Variants in CMTM8 observed in about 807,000 individuals in gnomAD.
CMTM8 encodes the protein CKLF like MARVEL transmembrane domain containing 8, also known as CKLF-like MARVEL transmembrane domain-containing protein 8.
Under a neutral mutation model 18.6 loss-of-function variants are expected in CMTM8, and 12 were observed. The observed-to-expected ratio is 0.65, with a 90% CI of 0.41 to 1.05. CMTM8 has a LOEUF of 1.05. CMTM8 is among the 50% of genes least tolerant of loss of function. The pLI, the probability that CMTM8 is intolerant of heterozygous loss-of-function variation, is 0.00. For missense variants in CMTM8, 217 were observed against 227.2 expected (o/e 0.95, Z 0.29); for synonymous variants, 87 against 90.6 (o/e 0.96, Z 0.23).
intron 1 of CMTM8, among the ~76,000 whole-genome samples, chr3:32,310,196 G>T (rs539460708): frequency 3.3e-5 from 5 of 152,016 alleles, no homozygotes; most frequent in African/African-American, 4.8e-5. Context: ...CAAGGCTAAA[G>T]TGTGGCTTTG....
intron 1 of CMTM8, among the ~76,000 whole-genome samples, chr3:32,324,120 T>C (rs932361385): frequency 1.3e-5 from 2 of 152,252 alleles, no homozygotes; most frequent in Non-Finnish European, 2.9e-5. Flanking sequence ...GCTTTGTTTT[T>C]CTGTTTGAAC....
chr3:32,315,767 G>A (rs1245903355), intron 1 of CMTM8, among the ~76,000 whole-genome samples: 1 of 152,134 alleles, frequency 6.6e-6, no homozygotes, highest in Non-Finnish European at 1.5e-5. Context: ...GGTGACTTAT[G>A]GAGCAGATGG....
chr3:32,352,587 A>T (rs1322413326), intron 1 of CMTM8, among the ~76,000 whole-genome samples: 1 of 152,232 alleles, frequency 6.6e-6, no homozygotes, highest in Non-Finnish European at 1.5e-5. Context: ...TGAGCAACAG[A>T]TGTCAGACAT....
chr3:32,294,087 C>T (rs1454854552), intron 1 of CMTM8, among the ~76,000 whole-genome samples: 1 of 152,208 alleles, frequency 6.6e-6, no homozygotes, highest in African/African-American at 2.4e-5. Context: ...GCCAGTTTCT[C>T]CACAGCCTCA....
intron 1 of CMTM8, among the ~76,000 whole-genome samples, chr3:32,242,886 C>G (rs917877172): frequency 6.7e-6 from 1 of 148,810 alleles, no homozygotes; most frequent in African/African-American, 2.5e-5. Context: ...GAGACAGAGT[C>G]TGGTTCAGTT....
intron 1 of CMTM8, among the ~76,000 whole-genome samples, chr3:32,281,631 G>A (rs574536354): frequency 2.0e-5 from 3 of 152,198 alleles, no homozygotes; most frequent in Admixed American, 6.5e-5. Flanking sequence ...CTTCTTGAAT[G>A]AGTTGTCTTT....
intron 1 of CMTM8, among the ~76,000 whole-genome samples, chr3:32,328,950 G>A (rs754234970): frequency 7.9e-5 from 12 of 152,234 alleles, no homozygotes; most frequent in Middle Eastern, 6.8e-3. Context: ...ACAAAAAATT[G>A]AAGAGAGAAT....
chr3:32,368,505 G>A (rs6550126), intron 3 of CMTM8, among the ~76,000 whole-genome samples: 47,866 of 148,210 alleles, frequency 0.32, 7,900 homozygotes, highest in East Asian at 0.53. Context: ...CCATCACCCA[G>A]GCTGGAGTGC....
chr3:32,309,871 G>A (rs923690395), intron 1 of CMTM8, among the ~76,000 whole-genome samples: 3 of 152,154 alleles, frequency 2.0e-5, no homozygotes, highest in Admixed American at 6.5e-5. Context: ...CTCGTACTGC[G>A]GGCATCCTGA....
chr3:32,341,703 C>A (rs936493656), intron 1 of CMTM8, among the ~76,000 whole-genome samples: 2 of 150,688 alleles, frequency 1.3e-5, no homozygotes, highest in Non-Finnish European at 3.0e-5. Flanking sequence ...ATGGCGAAAC[C>A]CCCTCTCTAA....
Sources: allele counts gnomAD v4.1 joint callset (sites outside exome capture counted in the v4.1 genomes callset), GRCh38; gene constraint gnomAD v4.1.1; transcripts MANE v1.5; gene names NCBI Gene and HGNC (gene_info 2026-07-23, HGNC 2026-07-21).